The following PTPRQ variants were observed in gnomAD, a reference collection of about 807,000 sequenced individuals.
The protein encoded by PTPRQ is protein tyrosine phosphatase receptor type Q, also known as phosphatidylinositol phosphatase PTPRQ.
In PTPRQ, 199 loss-of-function variants were observed where a neutral mutation model predicts 246.0. That is an observed-to-expected ratio of 0.81 (90% CI 0.72 to 0.91). PTPRQ has a LOEUF of 0.91. Among genes scored for constraint, PTPRQ ranks in the 40% least tolerant of loss-of-function variants. The pLI is 0.00. For synonymous variants in PTPRQ, 869 were observed against 853.2 expected (o/e 1.02, Z -0.32); for missense variants, 2,624 against 2,528.4 (o/e 1.04, Z -0.81).
intron 10 of PTPRQ, 88 bp downstream of exon 10, chr12:80,493,543 A>G: frequency 3.5e-6 from 5 of 1,414,926 alleles, no homozygotes; most frequent in Non-Finnish European, 4.6e-6. Context: ...GAGTTCAGCC[A>G]TATTATTAAT....
chr12:80,582,299 T>G (rs1897466124), intron 25 of PTPRQ, among the ~76,000 whole-genome samples: 1 of 152,206 alleles, frequency 6.6e-6, no homozygotes. Flanking sequence ...CTTGCTGTGC[T>G]GGCATTTCAT....
intron 17 of PTPRQ, among the ~76,000 whole-genome samples, chr12:80,529,378 T>A (rs1895780108): frequency 6.6e-6 from 1 of 152,166 alleles, no homozygotes; most frequent in South Asian, 2.1e-4. Flanking sequence ...CAGGGATAGA[T>A]GTATCATCAG....
chr12:80,546,670 G>C lies in PTPRQ; in HGVS notation c.3988G>C (p.Val1330Leu), dbSNP rs765715074. Residue 1330 changes from valine (V) to leucine (L), a missense_variant, in exon 24 of 45, where the codon GTA (valine) becomes CTA (leucine). Coordinates refer to ENST00000644991, the MANE Select transcript of PTPRQ (RefSeq NM_001145026.2). Reference sequence around the variant, plus strand: ...TGGAAATGGCAATCAATTTAGTAATGTAGTAAAATTCACAACCCAAGAATC... The same window carrying C: ...TGGAAATGGCAATCAATTTAGTAATCTAGTAAAATTCACAACCCAAGAATC... ...KVGNGNQFSN[V>L]VKFTTQESVP... is the part of the protein sequence containing the mutation. The C allele has an allele frequency of 6.4e-7, 1 of 1,551,292 alleles. No individual in the cohort carries two copies. The highest frequency in any genetic ancestry group is 1.2e-5 in the South Asian group (1 of 84,016).
rs187900644 is a variant in PTPRQ, at chr12:80,616,232, A to C, written c.5196A>C (p.Pro1732=). 4.5e-3 allele frequency: 6,688 copies of C among 1,493,898 alleles called. 21 individuals are homozygous for C. Among genetic ancestry groups the C allele is most frequent in the Non-Finnish European group, 5.5e-3 (6,184 of 1,119,636 alleles). The allele number at this position is 1,493,898 out of a possible 1,614,324, so 92.5% of individuals were successfully genotyped here. ...VYAVNSAGAG[P]KVPMRITMDI... ...CAGTCAATAGTGCTGGTGCAGGTCC[A>C]AAGGTTCCGATGAGAATAACCATGG... Residue 1732 remains proline (P), a synonymous_variant, in exon 30 of 45, where the codon CCA becomes CCC. Coordinates refer to ENST00000644991, the MANE Select transcript of PTPRQ (RefSeq NM_001145026.2).
At chr12:80,459,574 A>G in intron 5 of PTPRQ, 91 bp downstream of exon 5, 2 of 396,904 alleles carry the variant, frequency 5.0e-6, no homozygotes, top group Non-Finnish European at 4.4e-6. Context: ...TATTTTTACC[A>G]AAGTTTTATT....
intron 25 of PTPRQ, among the ~76,000 whole-genome samples, chr12:80,552,645 TTATATATATATATATATATA>T (rs71094985): frequency 1.5e-3 from 117 of 76,474 alleles, no homozygotes; most frequent in East Asian, 5.8e-3. Context: ...AAAAAAAAAA[TTATATATATATATATATATA>T]TATATATATA....
chr12:80,468,029 A>G (rs1258783294), intron 6 of PTPRQ, among the ~76,000 whole-genome samples: 2 of 151,352 alleles, frequency 1.3e-5, no homozygotes, highest in Non-Finnish European at 2.9e-5. Context: ...TTTTAAAACA[A>G]TGATTTCATA....
At chr12:80,613,539 A>G (rs1898633898) in intron 28 of PTPRQ, 53 bp from the exon 29 acceptor site, 2 of 1,423,442 alleles carry the variant, frequency 1.4e-6, no homozygotes, top group Admixed American at 2.7e-5. Context: ...TTATGTGGAG[A>G]TAAAAAGGAA....
At position 80,507,166 on chromosome 12, in the gene PTPRQ, C is replaced by A. The variant is rs1894988044; in HGVS notation, c.2557+496C>A. On this transcript the variant is annotated intron_variant, in intron 16 of 44. Transcript: ENST00000644991. ...AGATGCTATTCCCCAAAGTTAGTAG[C>A]TTTCATACTGAATATTTAAACATAC... Among the ~76,000 whole-genome samples the A allele has an allele frequency of 3.3e-5, 5 of 151,978 alleles. No homozygotes were observed. In the South Asian group the frequency reaches 8.3e-4, roughly 25 times the overall value.
intron 17 of PTPRQ, among the ~76,000 whole-genome samples, chr12:80,514,541 GTATA>G (rs907104034): frequency 7.3e-6 from 1 of 137,308 alleles, no homozygotes; most frequent in Admixed American, 7.5e-5. Flanking sequence ...GTTAGAAACT[GTATA>G]TATATATATA....
chr12:80,463,559 TA>T (rs1396363604), intron 6 of PTPRQ, among the ~76,000 whole-genome samples: 1 of 151,810 alleles, frequency 6.6e-6, no homozygotes, highest in Non-Finnish European at 1.5e-5. Context: ...CTAAGACACA[TA>T]ATTGTCAGAT....
chr12:80,638,883 A>G (rs979077205), intron 35 of PTPRQ, among the ~76,000 whole-genome samples: 3 of 152,252 alleles, frequency 2.0e-5, no homozygotes, highest in African/African-American at 7.2e-5. Context: ...AACACAAACT[A>G]TAATTCTTAG....
intron 26 of PTPRQ, among the ~76,000 whole-genome samples, chr12:80,604,824 C>G (rs1040360797): frequency 1.8e-4 from 27 of 151,446 alleles, no homozygotes; most frequent in African/African-American, 5.8e-4. Context: ...AAATAATGAA[C>G]TTATGATTTT....
chr12:80,579,748 T>C (rs1897377948), intron 25 of PTPRQ, among the ~76,000 whole-genome samples: 1 of 152,164 alleles, frequency 6.6e-6, no homozygotes, highest in South Asian at 2.1e-4. Context: ...ATATTAATGT[T>C]AGCAAATTTT....
Position 80,484,560 on chromosome 12 carries a change from G to A in PTPRQ, c.1314G>A (p.Glu438=). ...NQYRVKVLVP[E]TGIILENTLL... ...ACCGAGTGAAAGTGCTAGTTCCAGA[G>A]ACAGGAATAATTTTGGAAAATACTT... Residue 438 remains glutamate, a synonymous_variant, in exon 9 of 45, where the codon GAG becomes GAA. Transcript: ENST00000644991. The A allele has an allele frequency of 6.5e-7, 1 of 1,550,270 alleles. No individual in the cohort carries two copies. Among genetic ancestry groups the A allele is most frequent in the South Asian group, 1.2e-5 (1 of 83,594 alleles).
At chr12:80,592,220 G>A (rs1897823808) in intron 26 of PTPRQ, among the ~76,000 whole-genome samples, 1 of 152,150 alleles carries the variant, frequency 6.6e-6, no homozygotes. Context: ...ACATATGATT[G>A]CATTCTCAAA....
rs1303653796 is a variant in PTPRQ, at chr12:80,613,719, C to T, written c.5046C>T (p.Tyr1682=). The change falls in exon 29 of 45, where the codon TAC becomes TAT. Residue 1682 remains tyrosine (Y), a synonymous_variant. Coordinates refer to ENST00000644991, the MANE Select transcript of PTPRQ (RefSeq NM_001145026.2). ...GNIQVYQALV[Y]REDDPTAVQI... is the part of the protein sequence containing the mutation. ...TCCAAGTATATCAAGCTCTGGTTTA[C>T]CGAGAAGATGATCCTACTGCTGTCC... The T allele has an allele frequency of 6.5e-7, 1 of 1,545,974 alleles. No individual in the cohort carries two copies. The highest frequency in any genetic ancestry group is 2.5e-5 in the East Asian group (1 of 40,742).
chr12:80,610,200 G>T (rs1287793127), intron 27 of PTPRQ, among the ~76,000 whole-genome samples: 2 of 150,340 alleles, frequency 1.3e-5, no homozygotes, highest in Admixed American at 1.3e-4. Flanking sequence ...TTATTTAATG[G>T]GTTGGTTAAT....
chr12:80,537,903 A>T (rs1008520928), intron 19 of PTPRQ, among the ~76,000 whole-genome samples: 6 of 152,126 alleles, frequency 3.9e-5, no homozygotes, highest in African/African-American at 1.4e-4. Context: ...AGGTCAGGAG[A>T]TCGAGACCAT....
Sources: gnomAD v4.1 joint callset for allele counts (sites outside exome capture counted in the v4.1 genomes callset) on GRCh38, gnomAD v4.1.1 for gene constraint, MANE v1.5 for transcripts, NCBI Gene and HGNC (gene_info 2026-07-23, HGNC 2026-07-21) for gene names.